Variants in NRG3 observed in about 807,000 individuals in gnomAD.
NRG3 encodes the protein neuregulin 3.
NRG3 carries 31 observed loss-of-function variants against 66.9 expected under a neutral mutation model. That is an observed-to-expected ratio of 0.46 (90% CI 0.35 to 0.63). The LOEUF is 0.63. Ranked by LOEUF, NRG3 falls within the 20% of genes least tolerant of loss-of-function variation. The pLI is 0.00. For missense variants in NRG3, 910 were observed against 878.9 expected, an observed-to-expected ratio of 1.04 and a Z score of -0.45; for synonymous variants, 393 against 359.4, an observed-to-expected ratio of 1.09 and a Z score of -1.06.
chr10:82,627,589 T>C (rs1264149508), intron 2 of NRG3, among the ~76,000 whole-genome samples: 1 of 152,228 alleles, frequency 6.6e-6, no homozygotes, highest in Non-Finnish European at 1.5e-5. Context: ...AATTGTTATA[T>C]ACTGCAAGAC....
intron 1 of NRG3, among the ~76,000 whole-genome samples, chr10:82,277,316 T>C (rs1343389313): frequency 1.3e-5 from 2 of 152,106 alleles, no homozygotes; most frequent in African/African-American, 4.8e-5. Context: ...CTGATATGAT[T>C]GTAAGTGTAG....
chr10:82,349,636 G>A (rs1032533009), intron 1 of NRG3, among the ~76,000 whole-genome samples: 8 of 151,958 alleles, frequency 5.3e-5, no homozygotes, highest in East Asian at 3.9e-4. Context: ...AAGCAAGCCT[G>A]GGCAATGGCG....
chr10:82,572,350 CA>C (rs537218171), intron 2 of NRG3, among the ~76,000 whole-genome samples: 214 of 145,508 alleles, frequency 1.5e-3, no homozygotes, highest in African/African-American at 2.1e-3. Context: ...CTATTTTGTA[CA>C]AAAAAAAAAT....
chr10:82,018,277 C>T (rs1255926530), intron 1 of NRG3, among the ~76,000 whole-genome samples: 1 of 152,140 alleles, frequency 6.6e-6, no homozygotes, highest in Non-Finnish European at 1.5e-5. Context: ...GGGCTCTATT[C>T]TGTTCCATTG....
intron 1 of NRG3, among the ~76,000 whole-genome samples, chr10:82,260,914 C>G (rs1452633656): frequency 6.6e-6 from 1 of 152,136 alleles, no homozygotes; most frequent in Non-Finnish European, 1.5e-5. Flanking sequence ...TCCTCAAAAT[C>G]TCATGTTGAA....
intron 3 of NRG3, among the ~76,000 whole-genome samples, chr10:82,840,411 C>G (rs1267136483): frequency 1.4e-5 from 2 of 145,392 alleles, no homozygotes; most frequent in African/African-American, 5.4e-5. Flanking sequence ...GTTCAACATA[C>G]ACATTTTTTT....
chr10:82,544,714 C>T lies in NRG3; in HGVS notation c.953+185846C>T, dbSNP rs560468828. The stretch of plus-strand genomic sequence containing the variant: ...AGAGCTGATCTGTACACATACTTAG[C>T]GCACCTAGGAGCTGACAAAACCATC... On this transcript the variant is annotated intron_variant, in intron 2 of 8. Transcript: ENST00000372141. Among the ~76,000 whole-genome samples the T allele has an allele frequency of 2.2e-3, 332 of 152,240 alleles. 1 individual carries two copies. The highest frequency in any genetic ancestry group is 4.0e-3 in the Non-Finnish European group (270 of 68,006).
intron 1 of NRG3, chr10:82,232,301 A>G (rs974245658): frequency 6.4e-6 from 1 of 155,476 alleles, no homozygotes; most frequent in African/African-American, 2.4e-5. Context: ...TGATGCAAGA[A>G]TCCAGCCTGT....
chr10:82,304,255 G>A (rs906897999), intron 1 of NRG3, among the ~76,000 whole-genome samples: 1 of 152,062 alleles, frequency 6.6e-6, no homozygotes, highest in Non-Finnish European at 1.5e-5. Context: ...GAATGTGACT[G>A]GAATCTTTTC....
chr10:82,892,040 G>A (rs1843198879), intron 4 of NRG3, among the ~76,000 whole-genome samples: 7 of 151,926 alleles, frequency 4.6e-5, no homozygotes, highest in Admixed American at 4.6e-4. Flanking sequence ...GTTTGTTATT[G>A]TAATAGTAAA....
At chr10:82,386,510 G>T (rs1372424041) in intron 2 of NRG3, among the ~76,000 whole-genome samples, 1 of 152,128 alleles carries the variant, frequency 6.6e-6, no homozygotes, top group Non-Finnish European at 1.5e-5. Flanking sequence ...GTATGGACAA[G>T]AGTCTTCATA....
intron 2 of NRG3, among the ~76,000 whole-genome samples, chr10:82,503,989 TCTTA>T (rs1844440452): frequency 6.6e-6 from 1 of 152,196 alleles, no homozygotes; most frequent in South Asian, 2.1e-4. Context: ...AAAATGCCAC[TCTTA>T]CTTCTCAGTT....
At chr10:82,617,281 C>T (rs2048725790) in intron 2 of NRG3, among the ~76,000 whole-genome samples, 1 of 150,856 alleles carries the variant, frequency 6.6e-6, no homozygotes, top group South Asian at 2.1e-4. Flanking sequence ...CAAACACAAA[C>T]ACACATCACA....
At chr10:82,515,812 A>AT (rs1298796487) in intron 2 of NRG3, among the ~76,000 whole-genome samples, 7 of 152,142 alleles carry the variant, frequency 4.6e-5, no homozygotes, top group Non-Finnish European at 1.0e-4. Flanking sequence ...AGTTTATAGT[A>AT]TCCCCATTCA....
chr10:82,352,920 T>C (rs1461731231), intron 1 of NRG3, among the ~76,000 whole-genome samples: 1 of 151,784 alleles, frequency 6.6e-6, no homozygotes, highest in East Asian at 1.9e-4. Flanking sequence ...TGGAAACAGA[T>C]TTTATTGTAA....
chr10:82,834,576 A>G (rs2062687081), intron 3 of NRG3, among the ~76,000 whole-genome samples: 1 of 152,198 alleles, frequency 6.6e-6, no homozygotes, highest in African/African-American at 2.4e-5. Context: ...AAAAGTTATG[A>G]GAGTAAAGGA....
intron 3 of NRG3, among the ~76,000 whole-genome samples, chr10:82,839,687 AAT>A (rs776766927): frequency 1.3e-5 from 2 of 151,852 alleles, no homozygotes; most frequent in East Asian, 3.9e-4. Flanking sequence ...GTTTTTATAA[AAT>A]ATGTGATTAT....
chr10:81,942,281 A>C (rs6584418), intron 1 of NRG3, among the ~76,000 whole-genome samples: 4,459 of 152,124 alleles, frequency 0.029, 216 homozygotes, highest in African/African-American at 0.1. Context: ...CGTTCTTGGA[A>C]AAAAGAGGTG....
At chr10:82,382,156 G>A (rs139612370) in intron 2 of NRG3, among the ~76,000 whole-genome samples, 2 of 151,720 alleles carry the variant, frequency 1.3e-5, no homozygotes, top group African/African-American at 4.8e-5. Context: ...ATTTTATTAT[G>A]TTTATAGAGT....
Sources: allele counts gnomAD v4.1 joint callset (sites outside exome capture counted in the v4.1 genomes callset), GRCh38; gene constraint gnomAD v4.1.1; transcripts MANE v1.5; gene names NCBI Gene and HGNC (gene_info 2026-07-23, HGNC 2026-07-21).